SRBD1: variants seen among roughly 807,000 people sequenced by gnomAD.
SRBD1 encodes S1 RNA binding domain 1, also known as S1 RNA-binding domain-containing protein 1.
SRBD1 carries 88 observed loss-of-function variants against 115.3 expected under a neutral mutation model. The observed-to-expected ratio is 0.76, with a 90% CI of 0.64 to 0.91. SRBD1 has a LOEUF of 0.91. Among genes scored for constraint, SRBD1 ranks in the 40% least tolerant of loss-of-function variants. The probability of loss-of-function intolerance (pLI) is 0.00; values close to 1 mark genes in which losing one functional copy is unlikely to be tolerated. For synonymous variants in SRBD1, 509 were observed against 407.7 expected (o/e 1.25, Z -2.99); for missense variants, 1,385 against 1,177.4 (o/e 1.18, Z -2.58).
intron 10 of SRBD1, among the ~76,000 whole-genome samples, chr2:45,562,205 T>C (rs62128602): frequency 6.6e-6 from 1 of 152,084 alleles, no homozygotes; most frequent in Non-Finnish European, 1.5e-5. Flanking sequence ...ACATACCTTG[T>C]CTGTTATTGG....
At chr2:45,530,011 G>A (rs1429181144) in intron 14 of SRBD1, among the ~76,000 whole-genome samples, 1 of 151,990 alleles carries the variant, frequency 6.6e-6, no homozygotes, top group Non-Finnish European at 1.5e-5. Flanking sequence ...GATGGCAGCA[G>A]CATGGTTTAA....
chr2:45,501,378 G>A (rs1278722921), intron 14 of SRBD1, among the ~76,000 whole-genome samples: 4 of 152,178 alleles, frequency 2.6e-5, no homozygotes, highest in Non-Finnish European at 2.9e-5. Context: ...CTGCGTGAGC[G>A]ACACAGAACA....
chr2:45,606,157 C>CTTTTTTTT (rs71394845), intron 1 of SRBD1, among the ~76,000 whole-genome samples: 1 of 116,770 alleles, frequency 8.6e-6, no homozygotes. Context: ...TTTTCCTATT[C>CTTTTTTTT]TTTTTTTTTT....
chr2:45,565,662 T>C (rs1333229244), intron 9 of SRBD1, among the ~76,000 whole-genome samples: 2 of 152,136 alleles, frequency 1.3e-5, no homozygotes, highest in African/African-American at 2.4e-5. Flanking sequence ...AAGAATAGTA[T>C]CAAGAAAGTG....
rs889923647 is a variant in SRBD1, at chr2:45,590,270, C to G, written c.649-4496G>C. ...TGTCCATTCCTAGGCGTACGCTGAA[C>G]TAACTCTGGGAGGAACTCAGTTTAC... On this transcript the variant is annotated intron_variant, in intron 4 of 20. Coordinates refer to ENST00000263736, the MANE Select transcript of SRBD1 (RefSeq NM_018079.5). Among the ~76,000 whole-genome samples, 52 of 152,348 alleles carry G rather than the reference C, an allele frequency of 3.4e-4. 1 individual carries two copies. The highest frequency in any genetic ancestry group is 2.1e-3 in the Admixed American group (32 of 15,302).
At chr2:45,427,243 T>C (rs1281969501) in intron 16 of SRBD1, among the ~76,000 whole-genome samples, 1 of 151,646 alleles carries the variant, frequency 6.6e-6, no homozygotes, top group African/African-American at 2.4e-5. Flanking sequence ...GTGTACACAG[T>C]ATCAATAGCC....
Position 45,480,630 on chromosome 2 carries a change from G to C in SRBD1, c.1967-3555C>G, listed in dbSNP as rs60317963. ...GCAAATAAAGTGTTTTCTTGAGATG[G>C]AATCTACTCCTGGTGAAGATGCTAT... On this transcript the variant is annotated intron_variant, in intron 15 of 20. Transcript: ENST00000263736. 2.0e-3 allele frequency among the ~76,000 whole-genome samples: 304 copies of C among 152,310 alleles called. 1 individual carries two copies. Among genetic ancestry groups the C allele is most frequent in the African/African-American group, 6.8e-3 (283 of 41,564 alleles).
intron 7 of SRBD1, among the ~76,000 whole-genome samples, chr2:45,576,762 T>G (rs1673191405): frequency 6.6e-6 from 1 of 152,128 alleles, no homozygotes; most frequent in Non-Finnish European, 1.5e-5. Context: ...CACATGAAGT[T>G]TAATGACAAC....
chr2:45,549,332 G>A (rs143178270), intron 12 of SRBD1, among the ~76,000 whole-genome samples: 1 of 151,138 alleles, frequency 6.6e-6, no homozygotes, highest in East Asian at 1.9e-4. Flanking sequence ...AAAAACAGAA[G>A]AGCAAGTTCT....
intron 14 of SRBD1, among the ~76,000 whole-genome samples, chr2:45,509,598 AACACACACAC>A (rs1179307941): frequency 1.3e-3 from 164 of 125,522 alleles, no homozygotes; most frequent in Middle Eastern, 4.1e-3. Context: ...TCCGTCTCAA[AACACACACAC>A]ACACACACAC....
At chr2:45,476,050 T>A (rs993884296) in intron 16 of SRBD1, among the ~76,000 whole-genome samples, 7 of 152,356 alleles carry the variant, frequency 4.6e-5, no homozygotes, top group Middle Eastern at 3.4e-3. Context: ...GCTAGATCAG[T>A]CCCTTTAGCA....
At chr2:45,519,065 A>G (rs912064072) in intron 14 of SRBD1, among the ~76,000 whole-genome samples, 1 of 152,092 alleles carries the variant, frequency 6.6e-6, no homozygotes, top group African/African-American at 2.4e-5. Flanking sequence ...AAAAAGCTGT[A>G]ACAAAACTTA....
Position 45,393,006 on chromosome 2 carries a change from T to C in SRBD1, c.2637A>G (p.Val879=). 2 of 1,614,114 alleles carry C rather than the reference T, an allele frequency of 1.2e-6. No homozygotes were observed. Among genetic ancestry groups the C allele is most frequent in the Non-Finnish European group, 1.7e-6 (2 of 1,179,956 alleles). ...CATCTATGATGACCTGTAAGGTGTG[T>C]ACTGTTGTTTGCAATCTTTCTGCAA... is the stretch of plus-strand genomic sequence containing the variant. The part of the protein sequence containing the change: ...EKIAERLQTT[V]HTLQVIIDGL... The change falls in exon 20 of 21, where the codon GTA becomes GTG. Residue 879 remains valine, a synonymous_variant. Coordinates refer to ENST00000263736, the MANE Select transcript of SRBD1 (RefSeq NM_018079.5).
chr2:45,544,617 G>C (rs1279317554), intron 14 of SRBD1, among the ~76,000 whole-genome samples: 1 of 152,060 alleles, frequency 6.6e-6, no homozygotes, highest in Non-Finnish European at 1.5e-5. Flanking sequence ...TTTTACACAA[G>C]TACGATAGAC....
chr2:45,509,598 AACACACACACACACACACACACAC>A (rs1179307941), intron 14 of SRBD1, among the ~76,000 whole-genome samples: 7 of 125,440 alleles, frequency 5.6e-5, no homozygotes, highest in African/African-American at 1.5e-4. Flanking sequence ...TCCGTCTCAA[AACACACACACACACACACACACAC>A]ACACACACAC....
At position 45,389,157 on chromosome 2, in the gene SRBD1, A is replaced by G. The variant is rs1666926480; in HGVS notation, c.*153T>C. The G allele has an allele frequency of 1.1e-6, 1 of 921,882 alleles. No homozygotes were observed. Among genetic ancestry groups the G allele is most frequent in the East Asian group, 2.7e-5 (1 of 37,592 alleles). The allele number at this position is 921,882 out of a possible 1,614,324, so 57.1% of individuals were successfully genotyped here. On this transcript the variant is annotated 3_prime_UTR_variant, in exon 21 of 21. Transcript: ENST00000263736. ...CAAACTGTTGGTTTTCTATTTATTC[A>G]GAAGAAAAAATAAAGGAAAGTGTTT...
chr2:45,534,029 G>A (rs1671689884), intron 14 of SRBD1, among the ~76,000 whole-genome samples: 1 of 151,808 alleles, frequency 6.6e-6, no homozygotes, highest in African/African-American at 2.4e-5. Flanking sequence ...TGAGGGGGTG[G>A]GGTAACTCCT....
At chr2:45,436,571 T>C (rs1296615999) in intron 16 of SRBD1, among the ~76,000 whole-genome samples, 1 of 152,134 alleles carries the variant, frequency 6.6e-6, no homozygotes, top group Admixed American at 6.6e-5. Context: ...ACAATCATGA[T>C]AGAAGGGGAA....
At chr2:45,461,471 T>A (rs1024804399) in intron 16 of SRBD1, among the ~76,000 whole-genome samples, 1 of 152,150 alleles carries the variant, frequency 6.6e-6, no homozygotes, top group Non-Finnish European at 1.5e-5. Flanking sequence ...GAAAACAACC[T>A]TTTCTTGGTC....
Sources: gnomAD v4.1 joint callset for allele counts (sites outside exome capture counted in the v4.1 genomes callset) on GRCh38, gnomAD v4.1.1 for gene constraint, MANE v1.5 for transcripts, NCBI Gene and HGNC (gene_info 2026-07-23, HGNC 2026-07-21) for gene names.